SPAG16: variants seen among roughly 807,000 people sequenced by gnomAD.
SPAG16 encodes sperm associated antigen 16, also known as sperm-associated antigen 16 protein.
In SPAG16, 86 loss-of-function variants were observed where a neutral mutation model predicts 80.4. The observed-to-expected ratio is 1.07, with a 90% CI of 0.90 to 1.28. The LOEUF (loss-of-function observed/expected upper bound fraction) is 1.28. SPAG16 is among the 50% of genes most tolerant of loss of function. The probability of loss-of-function intolerance (pLI) is 0.00; values close to 1 mark genes in which losing one functional copy is unlikely to be tolerated. For synonymous variants in SPAG16, 294 were observed against 265.9 expected, an observed-to-expected ratio of 1.11 and a Z score of -1.03; for missense variants, 870 against 765.3, an observed-to-expected ratio of 1.14 and a Z score of -1.61.
At chr2:213,465,928 A>C (rs1259030529) in intron 9 of SPAG16, among the ~76,000 whole-genome samples, 2 of 152,190 alleles carry the variant, frequency 1.3e-5, no homozygotes, top group African/African-American at 4.8e-5. Context: ...TTGCTAAAGG[A>C]TATTAACATT....
At chr2:214,022,969 T>G (rs1248321918) in intron 13 of SPAG16, among the ~76,000 whole-genome samples, 1 of 152,066 alleles carries the variant, frequency 6.6e-6, no homozygotes, top group Non-Finnish European at 1.5e-5. Flanking sequence ...TCTTTGCTAC[T>G]ACAATTTGAT....
intron 14 of SPAG16, among the ~76,000 whole-genome samples, chr2:214,117,891 C>T (rs952299890): frequency 6.6e-6 from 1 of 152,086 alleles, no homozygotes; most frequent in African/African-American, 2.4e-5. Context: ...AACCTACAAA[C>T]ATCATACTAA....
chr2:214,205,944 C>T (rs7604290), intron 15 of SPAG16, among the ~76,000 whole-genome samples: 12,557 of 151,950 alleles, frequency 0.083, 1,653 homozygotes, highest in African/African-American at 0.28. Flanking sequence ...ACCTGTAGTC[C>T]CACACTTTGA....
intron 11 of SPAG16, among the ~76,000 whole-genome samples, chr2:213,927,615 T>C (rs2078542984): frequency 6.6e-6 from 1 of 152,242 alleles, no homozygotes; most frequent in South Asian, 2.1e-4. Context: ...TATGGGAATA[T>C]TGTTTATATT....
At chr2:214,077,078 A>T (rs1019037037) in intron 13 of SPAG16, among the ~76,000 whole-genome samples, 1 of 152,158 alleles carries the variant, frequency 6.6e-6, no homozygotes, top group African/African-American at 2.4e-5. Flanking sequence ...CCAAGAAGAG[A>T]TTTATTTTGC....
chr2:213,502,723 T>G (rs1425939199), intron 10 of SPAG16, among the ~76,000 whole-genome samples: 1 of 152,246 alleles, frequency 6.6e-6, no homozygotes, highest in Non-Finnish European at 1.5e-5. Context: ...AACAGTTCTT[T>G]AATATGGTAC....
chr2:213,642,043 T>C (rs1393985659), intron 10 of SPAG16, among the ~76,000 whole-genome samples: 1 of 152,162 alleles, frequency 6.6e-6, no homozygotes, highest in African/African-American at 2.4e-5. Context: ...ACATGGGGAT[T>C]ACAGGTCCCT....
chr2:214,324,758 T>C (rs1182840040), intron 15 of SPAG16, among the ~76,000 whole-genome samples: 5 of 152,152 alleles, frequency 3.3e-5, no homozygotes, highest in Non-Finnish European at 7.4e-5. Context: ...AACTCCATGT[T>C]TCTCTTTAGT....
chr2:214,326,080 C>G (rs1419221009), intron 15 of SPAG16, among the ~76,000 whole-genome samples: 1 of 152,096 alleles, frequency 6.6e-6, no homozygotes, highest in Non-Finnish European at 1.5e-5. Context: ...ATAGCCCCTC[C>G]CATCCTATAA....
chr2:213,761,716 A>G (rs1202684799), intron 10 of SPAG16, among the ~76,000 whole-genome samples: 6 of 151,912 alleles, frequency 3.9e-5, no homozygotes, highest in African/African-American at 1.5e-4. Context: ...AAAACAAAAA[A>G]TTAGCTGGGC....
intron 9 of SPAG16, among the ~76,000 whole-genome samples, chr2:213,396,843 G>A (rs2068063424): frequency 6.6e-6 from 1 of 152,114 alleles, no homozygotes; most frequent in African/African-American, 2.4e-5. Flanking sequence ...AAGGAGTCCA[G>A]GACTTCCAGT....
chr2:213,361,208 G>A (rs745529312), intron 7 of SPAG16, among the ~76,000 whole-genome samples: 40 of 151,732 alleles, frequency 2.6e-4, no homozygotes, highest in Non-Finnish European at 5.3e-4. Context: ...TTTGTTTTTG[G>A]TTTTAAGAAA....
At chr2:213,345,555 G>A (rs540816707) in intron 6 of SPAG16, among the ~76,000 whole-genome samples, 1 of 124,744 alleles carries the variant, frequency 8.0e-6, no homozygotes, top group African/African-American at 3.1e-5. Context: ...ATTAATTTTT[G>A]TATAAGGTGT....
At position 214,229,155 on chromosome 2, in the gene SPAG16, G is replaced by GA. The variant is rs199770222; in HGVS notation, c.1720+79900dup. ...TCTTGCCATCTACCACGAGAAGCAG[G>GA]AAAAAAAAAAAGGATAATTTCACTA... On this transcript the variant is annotated intron_variant, in intron 15 of 15. Coordinates refer to ENST00000331683, the MANE Select transcript of SPAG16 (RefSeq NM_024532.5). Among the ~76,000 whole-genome samples, 186 of 142,252 alleles carry GA rather than the reference G, an allele frequency of 1.3e-3. 3 individuals carry two copies. The highest frequency in any genetic ancestry group is 4.4e-3 in the South Asian group (20 of 4,500). The allele number at this position is 142,252 out of a possible 152,430, so 93.3% of individuals were successfully genotyped here.
At position 214,152,707 on chromosome 2, in the gene SPAG16, T is replaced by C. The variant is rs147528244; in HGVS notation, c.1720+3441T>C. On this transcript the variant is annotated intron_variant, in intron 15 of 15. Coordinates refer to ENST00000331683, the MANE Select transcript of SPAG16 (RefSeq NM_024532.5). Reference sequence around the variant, plus strand: ...GAATGTCTGGCTGTGCTGTTATTTATTGGATACAAAGCAAAAGGGGCAGGG... The same window carrying C: ...GAATGTCTGGCTGTGCTGTTATTTACTGGATACAAAGCAAAAGGGGCAGGG... 8.3e-3 allele frequency among the ~76,000 whole-genome samples: 1,257 copies of C among 152,184 alleles called. 22 individuals carry two copies. The highest frequency in any genetic ancestry group is 0.029 in the African/African-American group (1,205 of 41,538).
intron 15 of SPAG16, among the ~76,000 whole-genome samples, chr2:214,327,862 A>C (rs1347636151): frequency 2.6e-5 from 4 of 152,278 alleles, no homozygotes; most frequent in African/African-American, 9.6e-5. Flanking sequence ...AAAGTATAAA[A>C]TTTGTTGGCC....
chr2:214,313,173 A>C (rs1211598425), intron 15 of SPAG16, among the ~76,000 whole-genome samples: 4 of 152,162 alleles, frequency 2.6e-5, no homozygotes, highest in African/African-American at 9.6e-5. Context: ...GTGAAATTGA[A>C]ATTATTATTT....
rs139899643 is a variant in SPAG16, at chr2:214,280,581, G to GT, written c.1721-129551dup. The GT allele has an allele frequency of 5.1e-3, 1,050 of 204,182 alleles. 67 individuals carry two copies. The East Asian group carries it at 0.12, about 23-fold the overall frequency. The allele number at this position is 204,182 out of a possible 1,614,324, so 12.6% of individuals were successfully genotyped here. A position where few individuals can be genotyped will look rare whatever the true frequency, so the allele number is the denominator to read the frequency against. On this transcript the variant is annotated intron_variant, in intron 15 of 15. Transcript: ENST00000331683. Reference sequence around the variant, plus strand: ...ATCCACATATGGGCAACTGTTGTTCGTTTTTTTTAAATTTATCGTCTTTCT... The same window carrying GT: ...ATCCACATATGGGCAACTGTTGTTCGTTTTTTTTTAAATTTATCGTCTTTCT...
At chr2:214,193,108 G>A (rs563315803) in intron 15 of SPAG16, among the ~76,000 whole-genome samples, 15 of 152,094 alleles carry the variant, frequency 9.9e-5, no homozygotes, top group Admixed American at 2.6e-4. Context: ...CATATCAGTC[G>A]GCTACTGGCT....
Sources: allele counts gnomAD v4.1 joint callset (sites outside exome capture counted in the v4.1 genomes callset), GRCh38; gene constraint gnomAD v4.1.1; transcripts MANE v1.5; gene names NCBI Gene and HGNC (gene_info 2026-07-23, HGNC 2026-07-21).